The following SAMD5 variants were observed in gnomAD, a reference collection of about 807,000 sequenced individuals.
SAMD5 encodes sterile alpha motif domain-containing protein 5.
Under a neutral mutation model 11.3 loss-of-function variants are expected in SAMD5, and 13 were observed. The ratio of observed to expected loss-of-function variants is 1.15; its 90% CI spans 0.75 to 1.83. SAMD5 has a LOEUF of 1.83. SAMD5 is among the 40% of genes most tolerant of loss of function. The pLI, the probability that SAMD5 is intolerant of heterozygous loss-of-function variation, is 0.00. For synonymous variants in SAMD5, 129 were observed against 111.3 expected (o/e 1.16, Z -1.00); for missense variants, 255 against 239.1 (o/e 1.07, Z -0.44).
chr6:147,568,602 A>G lies in SAMD5; in HGVS notation c.*4146A>G, dbSNP rs1789081812. The G allele has an allele frequency of 2.0e-6, 2 of 985,236 alleles. No homozygotes were observed. Among genetic ancestry groups the G allele is most frequent in the Admixed American group, 6.1e-5 (1 of 16,266 alleles). 61.0% of individuals were successfully genotyped at this position (985,236 alleles called of 1,614,324 possible). Reference sequence around the variant, plus strand: ...TTAGGAATTTTTTATATCAGCTGACATCTTGTGCTTACAGTAAAGCCATAT... The same window carrying G: ...TTAGGAATTTTTTATATCAGCTGACGTCTTGTGCTTACAGTAAAGCCATAT... On this transcript the variant is annotated 3_prime_UTR_variant, in exon 2 of 2. Coordinates refer to ENST00000367474, the MANE Select transcript of SAMD5 (RefSeq NM_001030060.3).
At chr6:147,898,009 G>A in the SAMD5 span, among the ~76,000 whole-genome samples, 1 of 146,670 alleles carries the variant, frequency 6.8e-6, no homozygotes, top group South Asian at 2.2e-4. Context: ...GATGCCAGCT[G>A]CAGGCTGTCA....
the SAMD5 span, among the ~76,000 whole-genome samples, chr6:147,759,327 G>T: frequency 6.6e-6 from 1 of 152,066 alleles, no homozygotes; most frequent in Non-Finnish European, 1.5e-5. Flanking sequence ...TTTCTCAGGC[G>T]TCTTTAAATA....
chr6:147,943,374 C>T, the SAMD5 span, among the ~76,000 whole-genome samples: 7 of 152,210 alleles, frequency 4.6e-5, no homozygotes, highest in Admixed American at 1.3e-4. Flanking sequence ...CTCTAAGCTT[C>T]AACCTTGCAC....
intron 1 of SAMD5, among the ~76,000 whole-genome samples, chr6:147,668,505 G>A (rs1352143569): frequency 6.6e-6 from 1 of 152,166 alleles, no homozygotes; most frequent in Non-Finnish European, 1.5e-5. Flanking sequence ...AGTAACCACA[G>A]CAATAAGGCA....
chr6:147,801,873 G>T, the SAMD5 span, among the ~76,000 whole-genome samples: 1 of 152,102 alleles, frequency 6.6e-6, no homozygotes, highest in Non-Finnish European at 1.5e-5. Flanking sequence ...TAGGGAAAAA[G>T]GAACCTTGAC....
intron 1 of SAMD5, chr6:147,660,711 TC>T (rs1256058488): frequency 6.6e-6 from 1 of 152,334 alleles, no homozygotes; most frequent in Non-Finnish European, 1.5e-5. Flanking sequence ...TTCTCTCTTT[TC>T]CTCCTGCTCT....
At position 147,561,824 on chromosome 6, in the gene SAMD5, A is replaced by T. The variant is rs887190549; in HGVS notation, c.460-2570A>T. ...CCAGCCTCTGGAGTGCCACAATGTG[A>T]TCAGCCAGAAAAGAATGACGGCGCA... On this transcript the variant is annotated intron_variant, in intron 1 of 1. Transcript: ENST00000367474. Among the ~76,000 whole-genome samples, 5 of 152,334 alleles carry T rather than the reference A, an allele frequency of 3.3e-5. No homozygotes were observed. The South Asian group carries it at 1.0e-3, about 32-fold the overall frequency.
chr6:147,560,654 AAC>A (rs1788932955), intron 1 of SAMD5, among the ~76,000 whole-genome samples: 3 of 152,348 alleles, frequency 2.0e-5, no homozygotes, highest in Admixed American at 6.5e-5. Flanking sequence ...TAAAAAGAGT[AAC>A]AGACTTGAAG....
intron 1 of SAMD5, among the ~76,000 whole-genome samples, chr6:147,534,680 G>A (rs1788481507): frequency 6.6e-6 from 1 of 152,156 alleles, no homozygotes; most frequent in African/African-American, 2.4e-5. Flanking sequence ...GGGGCCGCAA[G>A]ATCAGATGAG....
chr6:147,535,317 G>A (rs1788491853), intron 1 of SAMD5, among the ~76,000 whole-genome samples: 1 of 152,206 alleles, frequency 6.6e-6, no homozygotes, highest in Admixed American at 6.5e-5. Flanking sequence ...TGTTACTACA[G>A]TGTTTAAGTG....
chr6:147,511,019 C>T (rs1343904169), intron 1 of SAMD5, among the ~76,000 whole-genome samples: 1 of 152,094 alleles, frequency 6.6e-6, no homozygotes, highest in African/African-American at 2.4e-5. Context: ...ATTAGCATCC[C>T]GGGAAGTAAG....
chr6:147,652,323 AC>A (rs1371356021), intron 1 of SAMD5, among the ~76,000 whole-genome samples: 2 of 151,980 alleles, frequency 1.3e-5, no homozygotes, highest in South Asian at 2.1e-4. Context: ...TTAGAAAGTG[AC>A]TTTTGAAACC....
At chr6:147,687,399 C>T (rs1791034016) in intron 1 of SAMD5, among the ~76,000 whole-genome samples, 1 of 151,428 alleles carries the variant, frequency 6.6e-6, no homozygotes, top group Non-Finnish European at 1.5e-5. Context: ...ACCTCAGCCT[C>T]CCGAGTAGCT....
rs146390996 is a variant in SAMD5 at position 147,676,652 on chromosome 6, A to T, written c.163-60665A>T. On this transcript the variant is annotated intron_variant, in intron 1 of 1. Coordinates refer to the SAMD5 transcript ENST00000566741. ...CATGCCTGGCACATTGTAGGCAGTC[A>T]GTATATACATGAGTAGGGATGAATC... Among the ~76,000 whole-genome samples, 207 of 152,304 alleles carry T rather than the reference A, an allele frequency of 1.4e-3. 1 individual carries two copies. The highest frequency in any genetic ancestry group is 0.01 in the Middle Eastern group (3 of 294).
At chr6:147,946,057 A>G in the SAMD5 span, among the ~76,000 whole-genome samples, 27 of 152,246 alleles carry the variant, frequency 1.8e-4, no homozygotes, top group African/African-American at 6.0e-4. Context: ...AAAATTAGCT[A>G]CCAACTGGAC....
At chr6:147,679,710 A>G (rs1320409701) in intron 1 of SAMD5, among the ~76,000 whole-genome samples, 2 of 151,954 alleles carry the variant, frequency 1.3e-5, no homozygotes, top group African/African-American at 4.8e-5. Flanking sequence ...TGTCATATCT[A>G]AGAAATCTTT....
In SAMD5 at chr6:147,664,180, A is replaced by G. The variant is rs1790685318; in HGVS notation, c.163-73137A>G. 2.6e-5 allele frequency among the ~76,000 whole-genome samples: 4 copies of G among 152,070 alleles called. No individual in the cohort carries two copies. The South Asian group carries it at 8.3e-4, about 32-fold the overall frequency. On this transcript the variant is annotated intron_variant, in intron 1 of 1. Transcript: ENST00000566741. Reference sequence around the variant, plus strand: ...TTCTGGTGCTGGATTTCCTTGACAAACTTGAAACAGTGAGGAGACAGATAA... The same window carrying G: ...TTCTGGTGCTGGATTTCCTTGACAAGCTTGAAACAGTGAGGAGACAGATAA...
chr6:147,892,048 T>G, the SAMD5 span, among the ~76,000 whole-genome samples: 1 of 152,174 alleles, frequency 6.6e-6, no homozygotes, highest in Non-Finnish European at 1.5e-5. Flanking sequence ...ACGGCTAGCC[T>G]TAGGCCGACA....
At chr6:147,923,090 A>G in the SAMD5 span, among the ~76,000 whole-genome samples, 4 of 152,280 alleles carry the variant, frequency 2.6e-5, no homozygotes, top group African/African-American at 7.2e-5. Flanking sequence ...AAACAAACCA[A>G]TAGAGAAGCA....
Sources: gnomAD v4.1 joint callset for allele counts (sites outside exome capture counted in the v4.1 genomes callset) on GRCh38, gnomAD v4.1.1 for gene constraint, MANE v1.5 for transcripts, NCBI Gene and HGNC (gene_info 2026-07-23, HGNC 2026-07-21) for gene names.